Variants in SHB observed in about 807,000 individuals in gnomAD.
The protein encoded by SHB is SH2 domain containing adaptor protein B.
SHB carries 20 observed loss-of-function variants against 52.3 expected under a neutral mutation model. The observed-to-expected ratio is 0.38, with a 90% CI of 0.27 to 0.56. The LOEUF (loss-of-function observed/expected upper bound fraction) is 0.56, where lower values mean the gene tolerates loss of function less well. SHB is among the 20% of genes least tolerant of loss of function. SHB has a pLI of 0.71. For missense variants in SHB, 825 were observed against 723.3 expected (o/e 1.14, Z -1.61); for synonymous variants, 397 against 316.5 (o/e 1.25, Z -2.70).
At chr9:38,023,564 GC>G (rs1386337789) in intron 1 of SHB, among the ~76,000 whole-genome samples, 2 of 152,172 alleles carry the variant, frequency 1.3e-5, no homozygotes, top group African/African-American at 4.8e-5. Flanking sequence ...CCCCGCCAAG[GC>G]CCCGGTGATT....
intron 1 of SHB, among the ~76,000 whole-genome samples, chr9:38,063,157 C>A (rs1479575810): frequency 6.6e-6 from 1 of 152,154 alleles, no homozygotes; most frequent in Non-Finnish European, 1.5e-5. Context: ...GAAAGTGTCC[C>A]AAGCCAAACC....
chr9:37,979,214 T>TTTTGCC (rs1820692243), intron 2 of SHB, among the ~76,000 whole-genome samples: 1 of 152,214 alleles, frequency 6.6e-6, no homozygotes, highest in Non-Finnish European at 1.5e-5. Flanking sequence ...AAAATGACCT[T>TTTTGCC]TAATATTAGG....
intron 5 of SHB, among the ~76,000 whole-genome samples, chr9:37,946,118 T>C (rs1001021748): frequency 6.6e-6 from 1 of 152,094 alleles, no homozygotes; most frequent in Non-Finnish European, 1.5e-5. Context: ...AGTGCACAGA[T>C]GAGGACACTG....
chr9:37,919,847 AGAG>A lies in SHB; in HGVS notation c.1501_1503del (p.Leu501del). 1 of 1,613,934 alleles carries A rather than the reference AGAG, an allele frequency of 6.2e-7. No individual in the cohort carries two copies. Among genetic ancestry groups the A allele is most frequent in the Non-Finnish European group, 8.5e-7 (1 of 1,179,978 alleles). On this transcript the variant is annotated inframe_deletion, in exon 6 of 6. Transcript: ENST00000377707. ...CACAGGGTCCTCACAGCCACGGGAT[AGAG>A]GAGGGACAAGTGCTCAGCCCCTTTG...
intron 1 of SHB, among the ~76,000 whole-genome samples, chr9:38,064,852 G>C (rs1236338033): frequency 6.6e-6 from 1 of 152,226 alleles, no homozygotes; most frequent in Non-Finnish European, 1.5e-5. Flanking sequence ...TGGAAAAGTT[G>C]GCAGGGTGCC....
rs549151163 is a variant in SHB, at chr9:37,978,067, C to A, written c.839-3230G>T. Among the ~76,000 whole-genome samples, 7 of 152,332 alleles carry A rather than the reference C, an allele frequency of 4.6e-5. No individual in the cohort carries two copies. In the East Asian group the frequency reaches 1.2e-3, roughly 25 times the overall value. ...ACAGCCAGAAACCACTATTTACCCC[C>A]AAATTCCAGATACTTTATGAAAGTC... On this transcript the variant is annotated intron_variant, in intron 2 of 5. Coordinates refer to ENST00000377707, the MANE Select transcript of SHB (RefSeq NM_003028.3).
chr9:37,937,268 G>A (rs573476697), intron 5 of SHB, among the ~76,000 whole-genome samples: 5 of 152,306 alleles, frequency 3.3e-5, no homozygotes, highest in Non-Finnish European at 4.4e-5. Flanking sequence ...CGCCCTGAAA[G>A]CCTGTGCTTA....
At chr9:37,994,684 G>T (rs772948668) in intron 2 of SHB, among the ~76,000 whole-genome samples, 2 of 152,222 alleles carry the variant, frequency 1.3e-5, no homozygotes, top group Non-Finnish European at 2.9e-5. Flanking sequence ...CCATGCAGAT[G>T]TTACATATGA....
Position 37,955,983 on chromosome 9 carries a change from C to T in SHB, c.1126G>A (p.Ala376Thr). The T allele has an allele frequency of 6.2e-7, 1 of 1,604,778 alleles. No individual in the cohort carries two copies. Among genetic ancestry groups the T allele is most frequent in the Non-Finnish European group, 8.5e-7 (1 of 1,176,304 alleles). ...ATAGGCTTAAAGCCCCCTCCAGGGG[C>T]ACGAAGCTGGCGCCGCCGGTCCCGC... Reference protein sequence around the residue: ...PSRDRRRQLRAPGGGFKPIKH... With the variant: ...PSRDRRRQLRTPGGGFKPIKH... The change falls in exon 4 of 6, where the codon GCC becomes ACC. Residue 376 changes from alanine (A) to threonine (T), a missense_variant. Transcript: ENST00000377707.
chr9:37,981,629 T>G (rs1484768215), intron 2 of SHB, among the ~76,000 whole-genome samples: 3 of 152,242 alleles, frequency 2.0e-5, no homozygotes, highest in African/African-American at 7.2e-5. Context: ...AAGCCTACCT[T>G]TTGGCAGATC....
chr9:38,068,761 G>A lies in SHB; in HGVS notation c.-116C>T. On this transcript the variant is annotated 5_prime_UTR_variant, in exon 1 of 6. Transcript: ENST00000377707. Reference sequence around the variant, plus strand: ...CCCCGGCCCCGGCGGGGGGCGTCCGGGGCGCCCGCTCCCGACGCCAAGTTC... The same window carrying A: ...CCCCGGCCCCGGCGGGGGGCGTCCGAGGCGCCCGCTCCCGACGCCAAGTTC... 3.3e-6 allele frequency: 1 copy of A among 304,206 alleles called. No individual in the cohort carries two copies. Among genetic ancestry groups the A allele is most frequent in the Non-Finnish European group, 4.9e-6 (1 of 202,708 alleles). The allele number at this position is 304,206 out of a possible 1,614,324, so 18.8% of individuals were successfully genotyped here.
intron 5 of SHB, among the ~76,000 whole-genome samples, chr9:37,947,272 T>A (rs1253782791): frequency 6.6e-6 from 1 of 152,220 alleles, no homozygotes; most frequent in Non-Finnish European, 1.5e-5. Flanking sequence ...CTCTCTGGTT[T>A]AGGCAGTGGT....
chr9:38,052,462 C>T (rs185125701), intron 1 of SHB, among the ~76,000 whole-genome samples: 7 of 152,340 alleles, frequency 4.6e-5, no homozygotes, highest in African/African-American at 9.6e-5. Context: ...GAGGACGTTT[C>T]GGCTATTGAC....
intron 5 of SHB, among the ~76,000 whole-genome samples, chr9:37,928,788 G>A (rs1012250480): frequency 1.3e-5 from 2 of 152,182 alleles, no homozygotes; most frequent in East Asian, 1.9e-4. Context: ...GACACAGAGC[G>A]GAATCTGCCA....
intron 1 of SHB, among the ~76,000 whole-genome samples, chr9:38,033,142 A>T (rs973182209): frequency 6.6e-6 from 1 of 152,218 alleles, no homozygotes; most frequent in South Asian, 2.1e-4. Flanking sequence ...TGAGGACTGG[A>T]CGATCTAAGG....
chr9:37,938,763 A>T (rs1181931120), intron 5 of SHB, among the ~76,000 whole-genome samples: 1 of 152,238 alleles, frequency 6.6e-6, no homozygotes, highest in African/African-American at 2.4e-5. Flanking sequence ...GCAGCAGTCC[A>T]GGGAGGGAAC....
At position 37,946,157 on chromosome 9, in the gene SHB, C is replaced by A. The variant is rs1006224398; in HGVS notation, c.1346+2478G>T. Among the ~76,000 whole-genome samples the A allele has an allele frequency of 7.2e-5, 11 of 152,342 alleles. No homozygotes were observed. In the South Asian group the frequency reaches 8.3e-4, roughly 11 times the overall value. On this transcript the variant is annotated intron_variant, in intron 5 of 5. Transcript: ENST00000377707. ...CCCCTATGGCGTGACTGGCCAAGGC[C>A]ACAAGGCCAGTGAGTGCAGGAGGCC...
chr9:38,065,937 T>C lies in SHB; in HGVS notation c.717+1992A>G, dbSNP rs1928247. Among the ~76,000 whole-genome samples, 427 of 152,172 alleles carry C rather than the reference T, an allele frequency of 2.8e-3. 3 individuals carry two copies. The highest frequency in any genetic ancestry group is 9.8e-3 in the African/African-American group (405 of 41,520). ...CACAATAATGGCCCTGCCTCCAAGG[T>C]GCACTCCTCGATGCCACACCCCCCA... On this transcript the variant is annotated intron_variant, in intron 1 of 5. Coordinates refer to ENST00000377707, the MANE Select transcript of SHB (RefSeq NM_003028.3).
chr9:37,934,527 C>G (rs1832347080), intron 5 of SHB, among the ~76,000 whole-genome samples: 1 of 152,104 alleles, frequency 6.6e-6, no homozygotes, highest in Non-Finnish European at 1.5e-5. Flanking sequence ...TATTGAACTC[C>G]TAGGCTCAAG....
Sources: gnomAD v4.1 joint callset for allele counts (sites outside exome capture counted in the v4.1 genomes callset) on GRCh38, gnomAD v4.1.1 for gene constraint, MANE v1.5 for transcripts, NCBI Gene and HGNC (gene_info 2026-07-23, HGNC 2026-07-21) for gene names.